ZFHX3: variants seen among roughly 807,000 people sequenced by gnomAD.
The protein encoded by ZFHX3 is zinc finger homeobox 3.
Under a neutral mutation model 279.1 loss-of-function variants are expected in ZFHX3, and 42 were observed. The ratio of observed to expected loss-of-function variants is 0.15; its 90% CI spans 0.12 to 0.19. ZFHX3 has a LOEUF of 0.19. Among genes scored for constraint, ZFHX3 ranks in the 10% least tolerant of loss-of-function variants. The pLI, the probability that ZFHX3 is intolerant of heterozygous loss-of-function variation, is 1.00. For missense variants in ZFHX3, 4,981 were observed against 4,754.0 expected (o/e 1.05, Z -1.40); for synonymous variants, 2,293 against 1,957.8 (o/e 1.17, Z -4.52).
intron 4 of ZFHX3, among the ~76,000 whole-genome samples, chr16:72,864,163 C>G (rs1430672460): frequency 6.6e-6 from 1 of 152,070 alleles, no homozygotes; most frequent in Non-Finnish European, 1.5e-5. Flanking sequence ...ACAACAGGTA[C>G]CTCAACAACC....
At chr16:72,936,614 G>A (rs1465346631) in intron 3 of ZFHX3, among the ~76,000 whole-genome samples, 1 of 152,184 alleles carries the variant, frequency 6.6e-6, no homozygotes, top group African/African-American at 2.4e-5. Flanking sequence ...CGCCAGCTTA[G>A]CATGTTGAAT....
chr16:72,866,537 C>T (rs534413068), intron 4 of ZFHX3, among the ~76,000 whole-genome samples: 1 of 152,244 alleles, frequency 6.6e-6, no homozygotes, highest in Admixed American at 6.5e-5. Flanking sequence ...TATAACTTGA[C>T]CAAGGTCACT....
intron 3 of ZFHX3, among the ~76,000 whole-genome samples, chr16:73,341,914 A>C (rs538297329): frequency 4.4e-4 from 67 of 152,348 alleles, no homozygotes; most frequent in African/African-American, 1.5e-3. Flanking sequence ...AAATGGATTT[A>C]TGGTTGCCTC....
At chr16:73,157,702 A>G (rs1967129091) in intron 5 of ZFHX3, among the ~76,000 whole-genome samples, 1 of 152,166 alleles carries the variant, frequency 6.6e-6, no homozygotes, top group Non-Finnish European at 1.5e-5. Flanking sequence ...TTTGAGAGGA[A>G]AAAACTGTGT....
chr16:73,045,528 G>A (rs576175047), intron 1 of ZFHX3, among the ~76,000 whole-genome samples: 5 of 152,224 alleles, frequency 3.3e-5, no homozygotes, highest in South Asian at 2.1e-4. Flanking sequence ...GGAGGGCACC[G>A]TTTTAGATGG....
In ZFHX3 at chr16:73,127,606, G is replaced by A. The variant is rs113137774; in HGVS notation, c.-897+3362C>T. Reference sequence around the variant, plus strand: ...AGCCACTGACCACGGAGCACTGCTGGCAGGCAAGAAAGGAACAGGGTGCAG... The same window carrying A: ...AGCCACTGACCACGGAGCACTGCTGACAGGCAAGAAAGGAACAGGGTGCAG... On this transcript the variant is annotated intron_variant, in intron 7 of 17. Coordinates refer to the ZFHX3 transcript ENST00000641206. The A allele has an allele frequency of 1.6e-4, 205 of 1,296,102 alleles. 2 individuals carry two copies. In the African/African-American group the frequency reaches 2.5e-3, roughly 16 times the overall value. 80.3% of individuals were successfully genotyped at this position (1,296,102 alleles called of 1,614,324 possible).
chr16:73,074,507 C>G (rs1296252854), intron 8 of ZFHX3, among the ~76,000 whole-genome samples: 2 of 152,256 alleles, frequency 1.3e-5, no homozygotes, highest in East Asian at 3.8e-4. Flanking sequence ...TCACTGTACA[C>G]ATCTCCATAA....
chr16:72,796,661 C>T lies in ZFHX3; in HGVS notation c.6021G>A (p.Gln2007=), dbSNP rs1466059891. 6 of 1,613,946 alleles carry T rather than the reference C, an allele frequency of 3.7e-6. No individual in the cohort carries two copies. The highest frequency in any genetic ancestry group is 5.1e-6 in the Non-Finnish European group (6 of 1,180,028). The change falls in exon 9 of 10, where the codon CAG becomes CAA. Residue 2007 remains glutamine, a synonymous_variant. Coordinates refer to ENST00000268489, the MANE Select transcript of ZFHX3 (RefSeq NM_006885.4). ...ILKSHQEHVH[Q]NYFPFKQLER... ...CGAGCTGTTTGAAAGGAAAGTAATT[C>T]TGATGAACGTGCTCTTGATGACTCT...
chr16:73,343,497 G>T (rs960160495), intron 3 of ZFHX3, among the ~76,000 whole-genome samples: 1 of 152,166 alleles, frequency 6.6e-6, no homozygotes, highest in African/African-American at 2.4e-5. Context: ...GGCCGAGGTG[G>T]GAGGAATGCT....
chr16:73,599,231 G>A (rs969629976), intron 2 of ZFHX3, among the ~76,000 whole-genome samples: 1 of 152,196 alleles, frequency 6.6e-6, no homozygotes, highest in Non-Finnish European at 1.5e-5. Flanking sequence ...TTAGCCACGG[G>A]GGTGTCAGTA....
At chr16:73,168,060 T>A (rs1967415420) in intron 5 of ZFHX3, among the ~76,000 whole-genome samples, 1 of 152,172 alleles carries the variant, frequency 6.6e-6, no homozygotes, top group Admixed American at 6.5e-5. Context: ...ATCTGCTTAT[T>A]TTCCTTCCTT....
At chr16:73,614,706 G>A (rs570619141) in intron 2 of ZFHX3, among the ~76,000 whole-genome samples, 2 of 152,244 alleles carry the variant, frequency 1.3e-5, no homozygotes, top group African/African-American at 4.8e-5. Context: ...TGAATAGAAA[G>A]TGTGTCGGCT....
intron 1 of ZFHX3, among the ~76,000 whole-genome samples, chr16:72,987,534 G>A (rs1962900270): frequency 6.6e-6 from 1 of 152,134 alleles, no homozygotes; most frequent in South Asian, 2.1e-4. Flanking sequence ...GGAGGTCATT[G>A]CCCCCACACT....
chr16:73,763,828 A>C (rs1160460526), intron 1 of ZFHX3, among the ~76,000 whole-genome samples: 1 of 151,442 alleles, frequency 6.6e-6, no homozygotes, highest in Non-Finnish European at 1.5e-5. Flanking sequence ...TAAGCAGCAA[A>C]GATTCTCCCT....
At chr16:73,784,982 C>A (rs1014626634) in intron 1 of ZFHX3, among the ~76,000 whole-genome samples, 3 of 151,794 alleles carry the variant, frequency 2.0e-5, no homozygotes, top group Admixed American at 1.3e-4. Context: ...GTATTTGCCT[C>A]CATGTTTCTA....
intron 2 of ZFHX3, chr16:73,483,427 G>A (rs1157443660): frequency 6.6e-6 from 3 of 454,752 alleles, no homozygotes; most frequent in Non-Finnish European, 1.3e-5. Flanking sequence ...GAAAAGATGA[G>A]AAGGAGGTAA....
At chr16:73,019,412 G>A (rs546950809) in intron 1 of ZFHX3, among the ~76,000 whole-genome samples, 1 of 152,206 alleles carries the variant, frequency 6.6e-6, no homozygotes, top group South Asian at 2.1e-4. Context: ...GTGCACATGG[G>A]CTGCCTGGTT....
At chr16:72,908,264 C>T (rs188778650) in intron 3 of ZFHX3, among the ~76,000 whole-genome samples, 40 of 152,210 alleles carry the variant, frequency 2.6e-4, no homozygotes, top group Admixed American at 7.2e-4. Flanking sequence ...AGTGAGCAGC[C>T]GTGGAGAAGA....
intron 4 of ZFHX3, among the ~76,000 whole-genome samples, chr16:72,850,029 G>A (rs183882373): frequency 6.8e-4 from 103 of 152,266 alleles, no homozygotes; most frequent in African/African-American, 2.4e-3. Context: ...GACTGTCAGA[G>A]CAAACAAGAG....
Sources: allele counts gnomAD v4.1 joint callset (sites outside exome capture counted in the v4.1 genomes callset), GRCh38; gene constraint gnomAD v4.1.1; transcripts MANE v1.5; gene names NCBI Gene and HGNC (gene_info 2026-07-23, HGNC 2026-07-21).